The following PHKB variants were observed in gnomAD, a reference collection of about 807,000 sequenced individuals.
The protein encoded by PHKB is phosphorylase kinase regulatory subunit beta, also known as phosphorylase b kinase regulatory subunit beta.
In PHKB, 122 loss-of-function variants were observed where a neutral mutation model predicts 152.1. That is an observed-to-expected ratio of 0.80 (90% CI 0.69 to 0.93). PHKB has a LOEUF of 0.93. Among genes scored for constraint, PHKB ranks in the 40% least tolerant of loss-of-function variants. The pLI is 0.00. For missense variants in PHKB, 1,304 were observed against 1,328.4 expected, an observed-to-expected ratio of 0.98 and a Z score of 0.29; for synonymous variants, 436 against 464.9, an observed-to-expected ratio of 0.94 and a Z score of 0.80.
rs1367432664 is a variant in PHKB at position 47,691,319 on chromosome 16, T to C, written c.2766-2059T>C. ...CAAAACAAGAATATTAGTGGTAAAA[T>C]TGACAAAATTTGAATTAGATCCATA... is the stretch of plus-strand genomic sequence containing the variant. On this transcript the variant is annotated intron_variant, in intron 27 of 30. Transcript: ENST00000323584. Among the ~76,000 whole-genome samples, 4 of 152,158 alleles carry C rather than the reference T, an allele frequency of 2.6e-5. No homozygotes were observed. In the East Asian group the frequency reaches 5.8e-4, roughly 22 times the overall value.
intron 28 of PHKB, among the ~76,000 whole-genome samples, chr16:47,696,047 G>A (rs185165975): frequency 1.2e-4 from 18 of 152,272 alleles, no homozygotes; most frequent in African/African-American, 2.4e-4. Flanking sequence ...ATAACTTCTC[G>A]TGTAAATTCT....
At chr16:47,623,383 T>C (rs1437141690) in intron 14 of PHKB, among the ~76,000 whole-genome samples, 2 of 152,036 alleles carry the variant, frequency 1.3e-5, no homozygotes, top group Admixed American at 1.3e-4. Context: ...AGAAAGAAAT[T>C]GAATGTTTAG....
chr16:47,604,235 G>A (rs1412410120), intron 13 of PHKB, among the ~76,000 whole-genome samples: 2 of 152,024 alleles, frequency 1.3e-5, no homozygotes, highest in Admixed American at 1.3e-4. Flanking sequence ...TATATTAAGT[G>A]TATAAAACCT....
intron 7 of PHKB, among the ~76,000 whole-genome samples, chr16:47,557,084 C>G (rs1971386330): frequency 6.6e-6 from 1 of 152,264 alleles, no homozygotes; most frequent in African/African-American, 2.4e-5. Context: ...TGCCGCGTAT[C>G]TACAACTACT....
chr16:47,637,624 G>A (rs1972944597), intron 14 of PHKB, among the ~76,000 whole-genome samples: 1 of 152,160 alleles, frequency 6.6e-6, no homozygotes, highest in South Asian at 2.1e-4. Context: ...TGTGACCATA[G>A]ACTTGTGTTA....
intron 6 of PHKB, among the ~76,000 whole-genome samples, chr16:47,528,181 A>C (rs73549319): frequency 0.069 from 10,532 of 152,306 alleles, 608 homozygotes; most frequent in African/African-American, 0.15. Flanking sequence ...GAGAAATTAA[A>C]TACTAAAGAG....
chr16:47,510,531 C>G (rs1970492773), intron 4 of PHKB, among the ~76,000 whole-genome samples: 1 of 152,102 alleles, frequency 6.6e-6, no homozygotes, highest in Non-Finnish European at 1.5e-5. Context: ...GCCGTGTGCC[C>G]AGAACTAGGA....
chr16:47,517,192 T>C (rs770662199), intron 6 of PHKB, among the ~76,000 whole-genome samples: 1 of 152,118 alleles, frequency 6.6e-6, no homozygotes, highest in African/African-American at 2.4e-5. Context: ...GAACATCTTA[T>C]GATAACCGTT....
chr16:47,565,803 G>A (rs1971555094), intron 7 of PHKB: 3 of 1,472,462 alleles, frequency 2.0e-6, no homozygotes, highest in Non-Finnish European at 2.8e-6. Context: ...TCTAGCAGCT[G>A]TGTCAATGGG....
chr16:47,663,696 T>A lies in PHKB; in HGVS notation c.2298T>A (p.Ile766=), dbSNP rs772651856. 1 of 1,612,784 alleles carries A rather than the reference T, an allele frequency of 6.2e-7. No individual in the cohort carries two copies. The highest frequency in any genetic ancestry group is 1.3e-5 in the African/African-American group (1 of 74,998). Residue 766 remains isoleucine, a synonymous_variant, in exon 24 of 31, where the codon ATT becomes ATA. Coordinates refer to ENST00000323584, the MANE Select transcript of PHKB (RefSeq NM_000293.3). ...ITKEGTVSDH[I]ERVYRRAGSQ... is the part of the protein sequence containing the mutation. ...GTCTAGGTACCGTTTCTGATCACATTGAGAGAGTCTATAGAAGAGCTGGCA... is the reference window on the plus strand; with the variant it reads ...GTCTAGGTACCGTTTCTGATCACATAGAGAGAGTCTATAGAAGAGCTGGCA...
At chr16:47,671,700 A>G (rs890975010) in intron 26 of PHKB, among the ~76,000 whole-genome samples, 1 of 152,208 alleles carries the variant, frequency 6.6e-6, no homozygotes, top group African/African-American at 2.4e-5. Flanking sequence ...CAAGGAGTTC[A>G]CAGTATTCAC....
At chr16:47,633,901 A>G (rs1972870725) in intron 14 of PHKB, among the ~76,000 whole-genome samples, 1 of 152,198 alleles carries the variant, frequency 6.6e-6, no homozygotes, top group South Asian at 2.1e-4. Context: ...CATTCAAGAA[A>G]TATTTTTTGA....
At chr16:47,569,097 T>C (rs1971615369) in intron 7 of PHKB, among the ~76,000 whole-genome samples, 1 of 152,232 alleles carries the variant, frequency 6.6e-6, no homozygotes, top group African/African-American at 2.4e-5. Flanking sequence ...CAGTGATCTA[T>C]GTAGTGCTGT....
At chr16:47,602,619 G>A (rs181146528) in intron 13 of PHKB, among the ~76,000 whole-genome samples, 40 of 147,284 alleles carry the variant, frequency 2.7e-4, no homozygotes, top group African/African-American at 8.3e-4. Context: ...TGGATTATGA[G>A]CTTAGGAATC....
intron 1 of PHKB, among the ~76,000 whole-genome samples, chr16:47,485,389 G>A (rs1240406172): frequency 6.6e-6 from 1 of 152,176 alleles, no homozygotes; most frequent in African/African-American, 2.4e-5. Flanking sequence ...AGGTTAAGAT[G>A]CATCCATTCT....
Position 47,699,381 on chromosome 16 carries a change from G to A in PHKB, c.*15G>A. ...TGATTAGCTAGTGGGGAAGGTGTAG[G>A]AAGCTCTGTTGAGACACATGTTCTG... On this transcript the variant is annotated 3_prime_UTR_variant, in exon 31 of 31. Transcript: ENST00000323584. 6.2e-7 allele frequency: 1 copy of A among 1,613,988 alleles called. No homozygotes were observed. The highest frequency in any genetic ancestry group is 1.3e-5 in the African/African-American group (1 of 75,044).
chr16:47,483,070 A>G (rs1969992234), intron 1 of PHKB, among the ~76,000 whole-genome samples: 2 of 114,598 alleles, frequency 1.7e-5, no homozygotes, highest in African/African-American at 3.5e-5. Context: ...ACAGAGTCTC[A>G]TTCTGTCACC....
intron 14 of PHKB, among the ~76,000 whole-genome samples, chr16:47,614,483 T>C (rs1972483074): frequency 6.6e-6 from 1 of 152,216 alleles, no homozygotes; most frequent in Non-Finnish European, 1.5e-5. Flanking sequence ...GAATTCCACT[T>C]TAATTATTCA....
chr16:47,520,939 T>C (rs1265073943), intron 6 of PHKB, among the ~76,000 whole-genome samples: 2 of 152,166 alleles, frequency 1.3e-5, no homozygotes, highest in East Asian at 3.8e-4. Flanking sequence ...AAATTTCTTC[T>C]AATGTGGTTT....
Sources: allele counts gnomAD v4.1 joint callset (sites outside exome capture counted in the v4.1 genomes callset), GRCh38; gene constraint gnomAD v4.1.1; transcripts MANE v1.5; gene names NCBI Gene and HGNC (gene_info 2026-07-23, HGNC 2026-07-21).